TRAPPC8: variants seen among roughly 807,000 people sequenced by gnomAD.
TRAPPC8 encodes the protein general sporulation gene 1 homolog.
Under a neutral mutation model 174.3 loss-of-function variants are expected in TRAPPC8, and 54 were observed. The observed-to-expected ratio is 0.31, with a 90% CI of 0.25 to 0.39. The LOEUF is 0.39. Among genes scored for constraint, TRAPPC8 ranks in the 10% least tolerant of loss-of-function variants. The pLI is 1.00. For synonymous variants in TRAPPC8, 630 were observed against 579.9 expected, an observed-to-expected ratio of 1.09 and a Z score of -1.24; for missense variants, 1,531 against 1,699.1, an observed-to-expected ratio of 0.90 and a Z score of 1.74.
intron 19 of TRAPPC8, among the ~76,000 whole-genome samples, chr18:31,859,269 A>G (rs897655237): frequency 1.3e-5 from 2 of 152,178 alleles, no homozygotes; most frequent in African/African-American, 4.8e-5. Flanking sequence ...TGTGAGTGGG[A>G]CTTCATTATG....
In TRAPPC8 at chr18:31,874,558, C is replaced by A. The variant is rs767661948; in HGVS notation, c.1875G>T (p.Arg625Ser). 1.3e-5 allele frequency: 21 copies of A among 1,614,056 alleles called. No homozygotes were observed. The Middle Eastern group carries it at 9.9e-4, about 76-fold the overall frequency. ...GTTTACTTTCATTAATTAGAATATG[C>A]CTAAAAGCAGACACAGCATTATCCA... ...RQLDNAVSAFRHILINESKQS... is the reference protein window; with the variant it reads ...RQLDNAVSAFSHILINESKQS... The change falls in exon 13 of 29, where the codon AGG (arginine) becomes AGT (serine). Residue 625 changes from arginine (R) to serine (S), a missense_variant. Transcript: ENST00000283351.
intron 12 of TRAPPC8, among the ~76,000 whole-genome samples, chr18:31,887,894 G>A (rs2035793316): frequency 6.6e-6 from 1 of 152,126 alleles, no homozygotes; most frequent in Non-Finnish European, 1.5e-5. Context: ...CAAATACGAA[G>A]AGAGGAAGTC....
intron 23 of TRAPPC8, 32 bp from the exon 24 acceptor site, chr18:31,852,536 T>A: frequency 6.2e-7 from 1 of 1,613,912 alleles, no homozygotes; most frequent in Non-Finnish European, 8.5e-7. Flanking sequence ...ACTAATCATA[T>A]CATTGGCATA....
Position 31,852,673 on chromosome 18 carries a change from A to C in TRAPPC8, c.3434-10T>G. 6.2e-7 allele frequency: 1 copy of C among 1,610,752 alleles called. No homozygotes were observed. The highest frequency in any genetic ancestry group is 8.5e-7 in the Non-Finnish European group (1 of 1,177,670). ...CTGGCAAGTTTGGTATCTAGGAAGA[A>C]AAAGGGAAATTTCAAAGATGTTTCT... is the stretch of plus-strand genomic sequence containing the variant. On this transcript the variant is annotated splice_polypyrimidine_tract_variant and intron_variant, in intron 22 of 28. Coordinates refer to ENST00000283351, the MANE Select transcript of TRAPPC8 (RefSeq NM_014939.5).
chr18:31,893,654 T>C lies in TRAPPC8; in HGVS notation c.1597-2788A>G, dbSNP rs1031991453. On this transcript the variant is annotated intron_variant, in intron 11 of 28. Coordinates refer to ENST00000283351, the MANE Select transcript of TRAPPC8 (RefSeq NM_014939.5). ...TCTATTCTTATCACTGTATAGAGTT[T>C]TACTTTCTGTAGCCTTATATTTTAA... Among the ~76,000 whole-genome samples, 3 of 152,172 alleles carry C rather than the reference T, an allele frequency of 2.0e-5. No homozygotes were observed. In the East Asian group the frequency reaches 5.8e-4, roughly 29 times the overall value.
At chr18:31,924,168 C>T (rs991976238) in intron 2 of TRAPPC8, among the ~76,000 whole-genome samples, 1 of 152,002 alleles carries the variant, frequency 6.6e-6, no homozygotes, top group African/African-American at 2.4e-5. Flanking sequence ...GCCTGTAATC[C>T]CAGCTACTTG....
intron 16 of TRAPPC8, 54 bp downstream of exon 16, chr18:31,870,318 G>C (rs767657584): frequency 2.5e-5 from 38 of 1,512,558 alleles, no homozygotes; most frequent in Non-Finnish European, 3.3e-5. Context: ...TGTTACTACA[G>C]CATTTGTTAG....
chr18:31,942,233 T>A (rs923600888), intron 1 of TRAPPC8, among the ~76,000 whole-genome samples: 5 of 152,224 alleles, frequency 3.3e-5, no homozygotes, highest in African/African-American at 1.2e-4. Flanking sequence ...TCAGACCCTG[T>A]CGGTCTAAGA....
Position 31,909,010 on chromosome 18 carries a change from T to C in TRAPPC8, c.866A>G (p.Asp289Gly), listed in dbSNP as rs750138507. ...SLDGLDNEVK[D>G]GLPNNFRAHP... ...AGCTCTAAAGTTATTTGGTAAGCCA[T>C]CTACTGAAAAAGAGATTATTTCTTT... The change falls in exon 7 of 29, where the codon GAT becomes GGT. Residue 289 changes from aspartate (D) to glycine (G), a missense_variant and splice_region_variant. By Grantham distance (94) the Asp-to-Gly change is moderately conservative. Transcript: ENST00000283351. 3 of 1,598,356 alleles carry C rather than the reference T, an allele frequency of 1.9e-6. No homozygotes were observed. Among genetic ancestry groups the C allele is most frequent in the South Asian group, 2.2e-5 (2 of 89,988 alleles).
intron 5 of TRAPPC8, among the ~76,000 whole-genome samples, chr18:31,912,348 G>A (rs777919368): frequency 7.9e-5 from 12 of 152,054 alleles, no homozygotes; most frequent in Non-Finnish European, 1.6e-4. Context: ...AAAATTAGCT[G>A]GGCGTGGTGG....
At chr18:31,859,744 C>T (rs950102891) in intron 19 of TRAPPC8, among the ~76,000 whole-genome samples, 1 of 152,150 alleles carries the variant, frequency 6.6e-6, no homozygotes, top group Non-Finnish European at 1.5e-5. Flanking sequence ...AAGAACAAGG[C>T]CAGGCACAGT....
chr18:31,860,192 C>T (rs1185760765), intron 19 of TRAPPC8, among the ~76,000 whole-genome samples: 3 of 152,080 alleles, frequency 2.0e-5, no homozygotes, highest in Non-Finnish European at 4.4e-5. Context: ...TACAAAATGA[C>T]ATGCTTAGGA....
At chr18:31,922,550 C>T (rs1030939639) in intron 2 of TRAPPC8, among the ~76,000 whole-genome samples, 1 of 152,152 alleles carries the variant, frequency 6.6e-6, no homozygotes, top group African/African-American at 2.4e-5. Context: ...AAGATGGTGC[C>T]ACTGCACTCC....
chr18:31,841,518 AAATT>A (rs1233507098), intron 26 of TRAPPC8, among the ~76,000 whole-genome samples: 3 of 152,138 alleles, frequency 2.0e-5, no homozygotes, highest in Non-Finnish European at 4.4e-5. Flanking sequence ...AAAAAGAGGA[AAATT>A]AATTCAGAAA....
chr18:31,926,811 T>G (rs1415607316), intron 2 of TRAPPC8, among the ~76,000 whole-genome samples: 1 of 152,190 alleles, frequency 6.6e-6, no homozygotes, highest in Non-Finnish European at 1.5e-5. Context: ...AAGAAGTGAA[T>G]GACATTTAGT....
chr18:31,901,810 C>T (rs914129078), intron 9 of TRAPPC8, among the ~76,000 whole-genome samples: 1 of 152,126 alleles, frequency 6.6e-6, no homozygotes, highest in Non-Finnish European at 1.5e-5. Context: ...CTCCTTTGGG[C>T]GTCTACGTGA....
At chr18:31,912,398 G>A (rs1189389463) in intron 5 of TRAPPC8, among the ~76,000 whole-genome samples, 1 of 152,134 alleles carries the variant, frequency 6.6e-6, no homozygotes, top group Admixed American at 6.6e-5. Flanking sequence ...GGCTGAGAGA[G>A]GAGAACTGCT....
chr18:31,935,499 G>A lies in TRAPPC8; in HGVS notation c.158-3976C>T, dbSNP rs1307994537. On this transcript the variant is annotated intron_variant, in intron 1 of 28. Transcript: ENST00000283351. ...GGAGGTGGAGGTTGCGGTGAGCCAA[G>A]ATCGTGCCATTGCACTCCAGCCTGG... Among the ~76,000 whole-genome samples, 4 of 128,832 alleles carry A rather than the reference G, an allele frequency of 3.1e-5. 1 individual carries two copies. In the Admixed American group the frequency reaches 3.9e-4, roughly 12 times the overall value. The allele number at this position is 128,832 out of a possible 152,430, so 84.5% of individuals were successfully genotyped here. A position where few individuals can be genotyped will look rare whatever the true frequency, so the allele number is the denominator to read the frequency against.
chr18:31,853,782 G>C (rs2033843155), intron 22 of TRAPPC8, 67 bp downstream of exon 22: 1 of 1,140,358 alleles, frequency 8.8e-7, no homozygotes, highest in Non-Finnish European at 1.3e-6. Context: ...AGACATTCTG[G>C]TACTATTCTG....
Sources: allele counts gnomAD v4.1 joint callset (sites outside exome capture counted in the v4.1 genomes callset), GRCh38; gene constraint gnomAD v4.1.1; transcripts MANE v1.5; gene names NCBI Gene and HGNC (gene_info 2026-07-23, HGNC 2026-07-21).